Variants in KCNT1 observed in about 807,000 individuals in gnomAD.
KCNT1 encodes the protein potassium channel subfamily T member 1.
KCNT1 carries 78 observed loss-of-function variants against 147.8 expected under a neutral mutation model. The ratio of observed to expected loss-of-function variants is 0.53; its 90% CI spans 0.44 to 0.64. The LOEUF (loss-of-function observed/expected upper bound fraction) is 0.64, where lower values mean the gene tolerates loss of function less well. Among genes scored for constraint, KCNT1 ranks in the 30% least tolerant of loss-of-function variants. The probability of loss-of-function intolerance (pLI) is 0.00; values close to 1 mark genes in which losing one functional copy is unlikely to be tolerated. For missense variants in KCNT1, 1,419 were observed against 1,750.3 expected (o/e 0.81, Z 3.38); for synonymous variants, 867 against 748.8 (o/e 1.16, Z -2.58).
intron 24 of KCNT1, 73 bp from the exon 25 acceptor site, chr9:135,783,951 C>G: frequency 2.6e-6 from 3 of 1,154,728 alleles, no homozygotes; most frequent in Non-Finnish European, 3.9e-6. Context: ...ACACAGTGCC[C>G]TCGACCCCGT....
chr9:135,771,098 G>A lies in KCNT1; in HGVS notation c.2008+3G>A. The A allele has an allele frequency of 1.2e-6, 2 of 1,608,160 alleles. No homozygotes were observed. The highest frequency in any genetic ancestry group is 1.7e-6 in the Non-Finnish European group (2 of 1,176,804). On this transcript the variant is annotated splice_donor_region_variant and intron_variant, in intron 18 of 30. Transcript: ENST00000371757. ...GCACAGCATCATCGCCTCCATGGGT[G>A]AGCCGGGACAGGCGCGCGGGACTCC...
chr9:135,788,005 C>T, intron 29 of KCNT1: 1 of 916,586 alleles, frequency 1.1e-6, no homozygotes, highest in South Asian at 1.3e-5. Context: ...GCAGCTGCCC[C>T]TGCACCCGCC....
At chr9:135,710,949 C>T (rs979294390) in intron 1 of KCNT1, among the ~76,000 whole-genome samples, 2 of 152,134 alleles carry the variant, frequency 1.3e-5, no homozygotes, top group Non-Finnish European at 2.9e-5. Flanking sequence ...GTTTGGGGCT[C>T]CCGCGCCTGC....
chr9:135,767,869 G>A (rs1270558490), intron 13 of KCNT1, among the ~76,000 whole-genome samples: 1 of 152,032 alleles, frequency 6.6e-6, no homozygotes, highest in Non-Finnish European at 1.5e-5. Flanking sequence ...CACTGCCCTA[G>A]GAAGCACCAT....
rs748091507 is a variant in KCNT1, at chr9:135,783,997, C to CCGGG, written c.2842-26_2842-25insGGGC. The CCGGG allele has an allele frequency of 1.1e-5, 17 of 1,583,066 alleles. No individual in the cohort carries two copies. The African/African-American group carries it at 2.3e-4, about 21-fold the overall frequency. ...CCACTGGAGGGACCTCGGCACCAGC[C>CCGGG]CATCTGAGGCCCCTCCTTTCCCACA... On this transcript the variant is annotated intron_variant, in intron 24 of 30. Coordinates refer to ENST00000371757, the MANE Select transcript of KCNT1 (RefSeq NM_020822.3).
intron 2 of KCNT1, among the ~76,000 whole-genome samples, chr9:135,724,760 C>G (rs1299044984): frequency 2.0e-5 from 3 of 152,246 alleles, no homozygotes; most frequent in African/African-American, 7.2e-5. Flanking sequence ...ATCCCTAGCT[C>G]CGGCTGGGTC....
Position 135,783,996 on chromosome 9 carries a change from C to A in KCNT1, c.2842-28C>A, listed in dbSNP as rs775564210. On this transcript the variant is annotated intron_variant, in intron 24 of 30. Coordinates refer to ENST00000371757, the MANE Select transcript of KCNT1 (RefSeq NM_020822.3). ...GCCACTGGAGGGACCTCGGCACCAG[C>A]CCATCTGAGGCCCCTCCTTTCCCAC... 12 of 1,580,358 alleles carry A rather than the reference C, an allele frequency of 7.6e-6. No homozygotes were observed. In the East Asian group the frequency reaches 2.7e-4, roughly 35 times the overall value.
rs962733155 is a variant in KCNT1 at position 135,714,518 on chromosome 9, C to G, written c.111-59C>G. On this transcript the variant is annotated intron_variant, in intron 1 of 30. Transcript: ENST00000371757. This position sits in a 1 kb window ranked among gnomAD's most constrained non-coding sequence, Gnocchi z 6.2. ...CGGGCCGGGCCTGGCGGGCCGGGGG[C>G]TGCGCGCGTCCGCGAGGGCGCCCGA... 4.2e-5 allele frequency: 41 copies of G among 984,444 alleles called. No individual in the cohort carries two copies. The African/African-American group carries it at 6.5e-4, about 16-fold the overall frequency. The allele number at this position is 984,444 out of a possible 1,614,324, so 61.0% of individuals were successfully genotyped here.
chr9:135,754,242 G>A (rs1831354462), intron 5 of KCNT1, among the ~76,000 whole-genome samples: 1 of 152,232 alleles, frequency 6.6e-6, no homozygotes, highest in African/African-American at 2.4e-5. Flanking sequence ...CCTCAACCCA[G>A]CAGCCACCCA....
chr9:135,786,665 C>A (rs1305300416), intron 29 of KCNT1, 144 bp downstream of exon 29: 1 of 821,380 alleles, frequency 1.2e-6, no homozygotes, highest in African/African-American at 1.8e-5. Context: ...TTTCTGGCCA[C>A]CCTCTGCCTG....
At chr9:135,727,431 C>G (rs144422343) in intron 2 of KCNT1, among the ~76,000 whole-genome samples, 1 of 124,522 alleles carries the variant, frequency 8.0e-6, no homozygotes, top group Non-Finnish European at 1.8e-5. Flanking sequence ...TTCTCTCCCC[C>G]CTCTCCCTCT....
At chr9:135,770,538 C>T in intron 17 of KCNT1, 91 bp downstream of exon 17, 1 of 1,490,056 alleles carries the variant, frequency 6.7e-7, no homozygotes. Context: ...AGGGGTGGCC[C>T]TGGGGCGGGG....
At chr9:135,720,496 G>A (rs914336138) in intron 2 of KCNT1, among the ~76,000 whole-genome samples, 2 of 152,096 alleles carry the variant, frequency 1.3e-5, no homozygotes, top group Non-Finnish European at 2.9e-5. Context: ...CTCCTGCCCA[G>A]CCCTCCCAGC....
chr9:135,777,377 G>A lies in KCNT1; in HGVS notation c.2389G>A (p.Gly797Arg), dbSNP rs1233102018. 5 of 1,614,070 alleles carry A rather than the reference G, an allele frequency of 3.1e-6. No individual in the cohort carries two copies. Among genetic ancestry groups the A allele is most frequent in the Non-Finnish European group, 4.2e-6 (5 of 1,179,960 alleles). Residue 797 changes from glycine (G) to arginine (R), a missense_variant, in exon 21 of 31, where the codon GGG (glycine) becomes AGG (arginine). Gly to Arg is a moderately radical substitution (Grantham distance 125, BLOSUM62 -2). Coordinates refer to ENST00000371757, the MANE Select transcript of KCNT1 (RefSeq NM_020822.3). ...HNSYEDAKAY[G>R]FKNKLIIVSA... ...CAGCTATGAAGACGCCAAGGCCTAC[G>A]GGTTCAAGAACAAGCTGATCATCGT...
In KCNT1 at chr9:135,772,793, C is replaced by T. The variant is rs775382017; in HGVS notation, c.2087C>T (p.Ala696Val). 2.4e-5 allele frequency: 36 copies of T among 1,502,300 alleles called. No homozygotes were observed. The highest frequency in any genetic ancestry group is 3.0e-5 in the Non-Finnish European group (34 of 1,123,428). The allele number at this position is 1,502,300 out of a possible 1,614,324, so 93.1% of individuals were successfully genotyped here. The part of the protein sequence containing the change: ...SGGGGGGSKL[A>V]LPTENGSGSR... Reference sequence around the variant, plus strand: ...GGTGGGGGCGGGGGCAGCAAGCTGGCACTGCCCACGGAGAACGGCTCGGGC... The same window carrying T: ...GGTGGGGGCGGGGGCAGCAAGCTGGTACTGCCCACGGAGAACGGCTCGGGC... Residue 696 changes from alanine to valine, a missense_variant, in exon 19 of 31, where the codon GCA becomes GTA. This residue lies in a region of KCNT1 where 284 missense variants were observed against 292.8 expected (regional missense o/e 0.97). Coordinates refer to ENST00000371757, the MANE Select transcript of KCNT1 (RefSeq NM_020822.3).
intron 2 of KCNT1, among the ~76,000 whole-genome samples, chr9:135,725,514 G>A (rs1235488024): frequency 1.3e-5 from 2 of 152,230 alleles, no homozygotes; most frequent in African/African-American, 2.4e-5. Flanking sequence ...GACCCGCTAC[G>A]CTTGCGGGGG....
At chr9:135,740,077 T>A (rs1476672300) in intron 2 of KCNT1, among the ~76,000 whole-genome samples, 1 of 152,146 alleles carries the variant, frequency 6.6e-6, no homozygotes, top group Non-Finnish European at 1.5e-5. Flanking sequence ...TATGTGTGTC[T>A]GTGTCCTCAT....
intron 24 of KCNT1, among the ~76,000 whole-genome samples, chr9:135,783,652 T>TA (rs1463075589): frequency 3.9e-5 from 6 of 152,186 alleles, no homozygotes; most frequent in Non-Finnish European, 8.8e-5. Flanking sequence ...CGGCACCACT[T>TA]ACAAAACACC....
At position 135,774,655 on chromosome 9, in the gene KCNT1, G is replaced by T. The variant is rs1833028701; in HGVS notation, c.2244-655G>T. Among the ~76,000 whole-genome samples the T allele has an allele frequency of 2.6e-5, 4 of 152,032 alleles. No individual in the cohort carries two copies. The Middle Eastern group carries it at 0.01, about 388-fold the overall frequency. On this transcript the variant is annotated intron_variant, in intron 19 of 30. Transcript: ENST00000371757. ...TGTGTGTTGTGTGTCTGGGTGTGTG[G>T]TGTGTATGTTATGTGTCCGTGCACG...
Sources: gnomAD v4.1 joint callset for allele counts (sites outside exome capture counted in the v4.1 genomes callset) on GRCh38, gnomAD v4.1.1 for gene constraint, gnomAD v4.1.1 regional missense constraint, Gnocchi (gnomAD v3.1) non-coding constraint, MANE v1.5 for transcripts, NCBI Gene and HGNC (gene_info 2026-07-23, HGNC 2026-07-21) for gene names.